ACAP2: variants seen among roughly 807,000 people sequenced by gnomAD.
ACAP2 encodes the protein ArfGAP with coiled-coil, ankyrin repeat and PH domains 2.
ACAP2 carries 39 observed loss-of-function variants against 115.8 expected under a neutral mutation model. The ratio of observed to expected loss-of-function variants is 0.34; its 90% CI spans 0.26 to 0.44. The LOEUF (loss-of-function observed/expected upper bound fraction) is 0.44, where lower values mean the gene tolerates loss of function less well. Ranked by LOEUF, ACAP2 falls within the 20% of genes least tolerant of loss-of-function variation. ACAP2 has a pLI of 1.00. For missense variants in ACAP2, 662 were observed against 927.6 expected (o/e 0.71, Z 3.72); for synonymous variants, 289 against 315.8 (o/e 0.92, Z 0.90).
chr3:195,294,628 TATA>T (rs1727523492), intron 18 of ACAP2, 88 bp downstream of exon 18: 10 of 210,062 alleles, frequency 4.8e-5, no homozygotes, highest in Non-Finnish European at 6.5e-5. Context: ...TATATATATA[TATA>T]ATTTTTTTTT....
chr3:195,279,978 C>G (rs138863425), intron 22 of ACAP2, among the ~76,000 whole-genome samples: 135 of 151,760 alleles, frequency 8.9e-4, no homozygotes, highest in African/African-American at 3.0e-3. Flanking sequence ...GTAATTAAAA[C>G]TAATGCACCT....
intron 6 of ACAP2, among the ~76,000 whole-genome samples, chr3:195,340,403 T>TG (rs1191461991): frequency 6.6e-6 from 1 of 151,926 alleles, no homozygotes; most frequent in African/African-American, 2.4e-5. Context: ...AAAGTACCTC[T>TG]GGGGAAAAAA....
chr3:195,400,173 C>T (rs1327120969), intron 1 of ACAP2, among the ~76,000 whole-genome samples: 3 of 148,516 alleles, frequency 2.0e-5, no homozygotes, highest in South Asian at 4.2e-4. Context: ...AATGACAGTC[C>T]GTCTCAAAAA....
Position 195,430,195 on chromosome 3 carries a change from T to TTA in ACAP2, c.53+12599_53+12600insTA, listed in dbSNP as rs1010471607. 3.6e-4 allele frequency among the ~76,000 whole-genome samples: 55 copies of TTA among 152,300 alleles called. 1 individual carries two copies. Among genetic ancestry groups the TTA allele is most frequent in the African/African-American group, 1.1e-3 (45 of 41,566 alleles). On this transcript the variant is annotated intron_variant, in intron 1 of 22. Coordinates refer to ENST00000326793, the MANE Select transcript of ACAP2 (RefSeq NM_012287.6). ...CAGATTATCAGGGAGGGAATTTACT[T>TTA]GATAAAGAAGAGACACAATCTTCTA...
chr3:195,330,345 G>A (rs1448012641), intron 8 of ACAP2, among the ~76,000 whole-genome samples: 1 of 152,056 alleles, frequency 6.6e-6, no homozygotes, highest in Non-Finnish European at 1.5e-5. Flanking sequence ...TATCCACTAG[G>A]CACTATAGGC....
chr3:195,318,286 G>C lies in ACAP2; in HGVS notation c.857+2415C>G, dbSNP rs189173010. The stretch of plus-strand genomic sequence containing the variant: ...TACAGAGAACTGGTACCAGCAGAGT[G>C]GGGTACTGCTGCAAAGATAATCTGA... On this transcript the variant is annotated intron_variant, in intron 10 of 22. Coordinates refer to ENST00000326793, the MANE Select transcript of ACAP2 (RefSeq NM_012287.6). Among the ~76,000 whole-genome samples the C allele has an allele frequency of 3.9e-3, 601 of 152,296 alleles. 5 individuals carry two copies. The highest frequency in any genetic ancestry group is 0.024 in the Middle Eastern group (7 of 294).
chr3:195,372,430 C>G (rs2108730575), intron 4 of ACAP2, among the ~76,000 whole-genome samples: 1 of 152,328 alleles, frequency 6.6e-6, no homozygotes, highest in East Asian at 1.9e-4. Context: ...CACAGTGACT[C>G]ACGCCTCCGA....
At chr3:195,359,893 A>G (rs1260997988) in intron 4 of ACAP2, among the ~76,000 whole-genome samples, 1 of 152,250 alleles carries the variant, frequency 6.6e-6, no homozygotes, top group Non-Finnish European at 1.5e-5. Context: ...TATAATAAAT[A>G]AGCAAAAAAT....
At chr3:195,429,421 A>G (rs933721232) in intron 1 of ACAP2, among the ~76,000 whole-genome samples, 1 of 151,952 alleles carries the variant, frequency 6.6e-6, no homozygotes, top group African/African-American at 2.4e-5. Context: ...ACAGAAAAAC[A>G]TGGATCAATC....
chr3:195,362,908 T>C (rs1201174259), intron 4 of ACAP2, among the ~76,000 whole-genome samples: 1 of 152,198 alleles, frequency 6.6e-6, no homozygotes, highest in African/African-American at 2.4e-5. Context: ...AAGACAAGGA[T>C]GCCCACTGTC....
At chr3:195,344,646 G>A (rs923269848) in intron 5 of ACAP2, among the ~76,000 whole-genome samples, 30 of 151,692 alleles carry the variant, frequency 2.0e-4, no homozygotes, top group Admixed American at 3.9e-4. Context: ...TCAGTCTCCC[G>A]AGTAGCTGGG....
intron 4 of ACAP2, among the ~76,000 whole-genome samples, chr3:195,369,419 C>T (rs1054049793): frequency 6.6e-6 from 1 of 152,174 alleles, no homozygotes; most frequent in Non-Finnish European, 1.5e-5. Context: ...TCTCCCTCCT[C>T]CCACCCTCCA....
chr3:195,392,371 A>G (rs1734735787), intron 1 of ACAP2, among the ~76,000 whole-genome samples: 1 of 152,254 alleles, frequency 6.6e-6, no homozygotes, highest in African/African-American at 2.4e-5. Context: ...ACGCTAATTT[A>G]TACTCAAAGC....
intron 1 of ACAP2, among the ~76,000 whole-genome samples, chr3:195,402,513 T>C (rs1712394910): frequency 6.6e-6 from 1 of 152,230 alleles, no homozygotes; most frequent in Non-Finnish European, 1.5e-5. Context: ...TTTACCTATA[T>C]GTAACCAATA....
chr3:195,408,228 A>C (rs1010197851), intron 1 of ACAP2, among the ~76,000 whole-genome samples: 3 of 152,166 alleles, frequency 2.0e-5, no homozygotes, highest in Admixed American at 2.0e-4. Context: ...TTGGGAGCCC[A>C]AGGCAGGCGG....
At chr3:195,306,265 A>G (rs572961148) in intron 13 of ACAP2, among the ~76,000 whole-genome samples, 1 of 152,312 alleles carries the variant, frequency 6.6e-6, no homozygotes, top group East Asian at 1.9e-4. Flanking sequence ...ACAGGGAAAT[A>G]CCTTATTCCG....
intron 15 of ACAP2, among the ~76,000 whole-genome samples, chr3:195,300,181 G>A (rs1481412394): frequency 6.6e-6 from 1 of 151,516 alleles, no homozygotes; most frequent in African/African-American, 2.4e-5. Flanking sequence ...CGAGTAGCTG[G>A]GACTACAGGT....
In ACAP2 at chr3:195,327,852, A is replaced by T. The variant is rs956726530; in HGVS notation, c.670-893T>A. Reference sequence around the variant, plus strand: ...AGGCTGAGGCAGCAGAATCACTTGAACCCACGAGGCAGAGGTTGCAGCAGG... The same window carrying T: ...AGGCTGAGGCAGCAGAATCACTTGATCCCACGAGGCAGAGGTTGCAGCAGG... On this transcript the variant is annotated intron_variant, in intron 8 of 22. Coordinates refer to ENST00000326793, the MANE Select transcript of ACAP2 (RefSeq NM_012287.6). 3.7e-4 allele frequency among the ~76,000 whole-genome samples: 57 copies of T among 152,016 alleles called. 1 individual carries two copies. The highest frequency in any genetic ancestry group is 2.7e-3 in the Admixed American group (41 of 15,264).
chr3:195,442,611 G>A (rs912893439), intron 1 of ACAP2, among the ~76,000 whole-genome samples, 184 bp downstream of exon 1: 3 of 152,168 alleles, frequency 2.0e-5, no homozygotes, highest in Non-Finnish European at 4.4e-5. Context: ...CCACTTCGTC[G>A]CCCCTCGGGA....
Sources: allele counts gnomAD v4.1 joint callset (sites outside exome capture counted in the v4.1 genomes callset), GRCh38; gene constraint gnomAD v4.1.1; transcripts MANE v1.5; gene names NCBI Gene and HGNC (gene_info 2026-07-23, HGNC 2026-07-21).